Variants in BTBD9 observed in about 807,000 individuals in gnomAD.
BTBD9 encodes BTB/POZ domain-containing protein 9.
In BTBD9, 49 loss-of-function variants were observed where a neutral mutation model predicts 64.3. The observed-to-expected ratio is 0.76, with a 90% CI of 0.61 to 0.97. The LOEUF is 0.97. BTBD9 is among the 50% of genes least tolerant of loss of function. The pLI, the probability that BTBD9 is intolerant of heterozygous loss-of-function variation, is 0.00. For synonymous variants in BTBD9, 260 were observed against 274.7 expected, an observed-to-expected ratio of 0.95 and a Z score of 0.53; for missense variants, 598 against 762.1, an observed-to-expected ratio of 0.78 and a Z score of 2.53.
chr6:38,212,425 G>A (rs1458081712), intron 9 of BTBD9, among the ~76,000 whole-genome samples: 1 of 152,216 alleles, frequency 6.6e-6, no homozygotes, highest in African/African-American at 2.4e-5. Flanking sequence ...GGACTATGGG[G>A]CATGACCCTG....
At chr6:38,471,444 C>T (rs1367501132) in intron 6 of BTBD9, among the ~76,000 whole-genome samples, 1 of 152,170 alleles carries the variant, frequency 6.6e-6, no homozygotes, top group Non-Finnish European at 1.5e-5. Flanking sequence ...GATTAACCCA[C>T]AATCCACTTC....
intron 6 of BTBD9, among the ~76,000 whole-genome samples, chr6:38,465,272 G>C (rs1770292129): frequency 6.6e-6 from 1 of 151,550 alleles, no homozygotes; most frequent in Non-Finnish European, 1.5e-5. Context: ...TCCAGCCTGG[G>C]CAACAGATAG....
intron 8 of BTBD9, among the ~76,000 whole-genome samples, chr6:38,278,076 A>G (rs887500149): frequency 6.6e-6 from 1 of 152,232 alleles, no homozygotes; most frequent in African/African-American, 2.4e-5. Flanking sequence ...ATAAAAAAGG[A>G]ATAAACTTGG....
chr6:38,378,375 C>G (rs1054499127), intron 6 of BTBD9, among the ~76,000 whole-genome samples: 1 of 151,428 alleles, frequency 6.6e-6, no homozygotes, highest in Non-Finnish European at 1.5e-5. Context: ...TCCTTAGTAG[C>G]TGGGATTGCA....
chr6:38,492,998 T>C (rs186520038), intron 6 of BTBD9, among the ~76,000 whole-genome samples: 3 of 152,344 alleles, frequency 2.0e-5, no homozygotes, highest in Admixed American at 6.5e-5. Context: ...TAAAAAATTG[T>C]CCATTCAATA....
rs776547776 is a variant in BTBD9 at position 38,192,516 on chromosome 6, T to C, written c.1641+3A>G. On this transcript the variant is annotated splice_donor_region_variant and intron_variant, in intron 10 of 10. Transcript: ENST00000481247. ...GGCACCTCTCATGAAAAGAGACCCT[T>C]ACCTCATTTGCTGTGTTGTGTGTCC... The C allele has an allele frequency of 1.2e-6, 2 of 1,612,754 alleles. No homozygotes were observed. The highest frequency in any genetic ancestry group is 1.1e-5 in the South Asian group (1 of 90,980).
At chr6:38,456,912 A>C (rs1769839571) in intron 6 of BTBD9, among the ~76,000 whole-genome samples, 1 of 152,238 alleles carries the variant, frequency 6.6e-6, no homozygotes, top group Non-Finnish European at 1.5e-5. Flanking sequence ...CTAGCATTAT[A>C]AAAAGCACTT....
intron 6 of BTBD9, among the ~76,000 whole-genome samples, chr6:38,526,226 A>C (rs887771834): frequency 1.3e-5 from 2 of 152,244 alleles, no homozygotes; most frequent in African/African-American, 4.8e-5. Context: ...AAAGTGGCCA[A>C]GGTACAGCTT....
chr6:38,476,014 A>G (rs1398914127), intron 6 of BTBD9, among the ~76,000 whole-genome samples: 1 of 152,164 alleles, frequency 6.6e-6, no homozygotes, highest in Admixed American at 6.5e-5. Flanking sequence ...TGGCTAATTA[A>G]GTCTGGAAAT....
At chr6:38,433,665 G>C (rs1490741633) in intron 6 of BTBD9, among the ~76,000 whole-genome samples, 1 of 151,856 alleles carries the variant, frequency 6.6e-6, no homozygotes, top group East Asian at 1.9e-4. Flanking sequence ...CCTGCACCCA[G>C]GTGAAATAAA....
At chr6:38,394,185 G>GT (rs775324207) in intron 6 of BTBD9, among the ~76,000 whole-genome samples, 1 of 152,266 alleles carries the variant, frequency 6.6e-6, no homozygotes, top group South Asian at 2.1e-4. Context: ...TAAGAGTCTA[G>GT]TGGGGAAGTC....
At chr6:38,527,540 C>A (rs1230216738) in intron 6 of BTBD9, among the ~76,000 whole-genome samples, 3 of 152,112 alleles carry the variant, frequency 2.0e-5, no homozygotes, top group Admixed American at 6.5e-5. Context: ...CTCACTCTCT[C>A]TCCTGCAATC....
At chr6:38,432,331 A>C (rs1335253918) in intron 6 of BTBD9, among the ~76,000 whole-genome samples, 1 of 151,986 alleles carries the variant, frequency 6.6e-6, no homozygotes, top group Non-Finnish European at 1.5e-5. Flanking sequence ...TCTTGCCTCT[A>C]GCCTCACAGG....
At chr6:38,350,914 C>A (rs374249060) in intron 6 of BTBD9, among the ~76,000 whole-genome samples, 22 of 152,332 alleles carry the variant, frequency 1.4e-4, no homozygotes, top group African/African-American at 4.8e-4. Flanking sequence ...ACAAATAATT[C>A]TCTAACCCAA....
At chr6:38,321,689 T>C (rs1248108206) in intron 7 of BTBD9, among the ~76,000 whole-genome samples, 1 of 152,196 alleles carries the variant, frequency 6.6e-6, no homozygotes, top group Non-Finnish European at 1.5e-5. Context: ...AAAATGATGA[T>C]TATTACTTTT....
At chr6:38,542,959 T>C (rs1034878561) in intron 6 of BTBD9, among the ~76,000 whole-genome samples, 1 of 152,238 alleles carries the variant, frequency 6.6e-6, no homozygotes, top group African/African-American at 2.4e-5. Flanking sequence ...AACCAGATCA[T>C]ATCACTTCCC....
chr6:38,513,669 C>G (rs1582556804), intron 6 of BTBD9, among the ~76,000 whole-genome samples: 1 of 152,108 alleles, frequency 6.6e-6, no homozygotes, highest in East Asian at 1.9e-4. Context: ...TCATTTATAG[C>G]TATTTTCACA....
At chr6:38,507,276 C>T (rs1772566868) in intron 6 of BTBD9, among the ~76,000 whole-genome samples, 1 of 152,188 alleles carries the variant, frequency 6.6e-6, no homozygotes, top group African/African-American at 2.4e-5. Context: ...GGACTGGGAT[C>T]TATTCTCAGC....
intron 10 of BTBD9, among the ~76,000 whole-genome samples, chr6:38,183,288 C>G (rs561245125): frequency 3.3e-4 from 50 of 152,308 alleles, no homozygotes; most frequent in African/African-American, 1.1e-3. Context: ...AAAAGGTCTT[C>G]TTTTATAATT....
Sources: gnomAD v4.1 joint callset for allele counts (sites outside exome capture counted in the v4.1 genomes callset) on GRCh38, gnomAD v4.1.1 for gene constraint, MANE v1.5 for transcripts, NCBI Gene and HGNC (gene_info 2026-07-23, HGNC 2026-07-21) for gene names.